PRKG1: variants seen among roughly 807,000 people sequenced by gnomAD.
PRKG1 encodes cGMP-dependent protein kinase 1.
PRKG1 carries 35 observed loss-of-function variants against 88.1 expected under a neutral mutation model. The ratio of observed to expected loss-of-function variants is 0.40; its 90% CI spans 0.30 to 0.53. The LOEUF (loss-of-function observed/expected upper bound fraction) is 0.53. Among genes scored for constraint, PRKG1 ranks in the 20% least tolerant of loss-of-function variants. The pLI, the probability that PRKG1 is intolerant of heterozygous loss-of-function variation, is 0.59. For missense variants in PRKG1, 540 were observed against 839.8 expected, an observed-to-expected ratio of 0.64 and a Z score of 4.41; for synonymous variants, 303 against 292.5, an observed-to-expected ratio of 1.04 and a Z score of -0.37.
chr10:51,567,268 T>G lies in PRKG1; in HGVS notation c.592+99432T>G, dbSNP rs189933715. 1.8e-3 allele frequency among the ~76,000 whole-genome samples: 273 copies of G among 152,106 alleles called. 2 individuals are homozygous for G. The highest frequency in any genetic ancestry group is 2.3e-3 in the East Asian group (12 of 5,156). ...GGTTGGGGTGGGAGAGATGAACCAC[T>G]TTTTCATGTTCACACCTGCGGCACC... On this transcript the variant is annotated intron_variant, in intron 3 of 17. Transcript: ENST00000373980.
chr10:51,678,441 C>T (rs1183727116), intron 3 of PRKG1, among the ~76,000 whole-genome samples: 1 of 152,146 alleles, frequency 6.6e-6, no homozygotes, highest in Non-Finnish European at 1.5e-5. Flanking sequence ...GCATACACCA[C>T]CACCCTAGAT....
rs561687192 is a variant in PRKG1, at chr10:52,106,475, A to C, written c.936-27365A>C. On this transcript the variant is annotated intron_variant, in intron 7 of 17. Transcript: ENST00000373980. ...GAGAACAGTAACTTATGTATATTAA[A>C]TCCTTCGGGAACAGCATCGCACAGC... Among the ~76,000 whole-genome samples the C allele has an allele frequency of 1.2e-3, 187 of 152,190 alleles. 1 individual carries two copies. The highest frequency in any genetic ancestry group is 4.3e-3 in the African/African-American group (178 of 41,514).
intron 2 of PRKG1, among the ~76,000 whole-genome samples, chr10:51,318,214 T>C (rs1281896540): frequency 2.6e-5 from 4 of 152,190 alleles, no homozygotes; most frequent in Admixed American, 6.6e-5. Flanking sequence ...TGTGAAAATA[T>C]GGAAATTTAT....
intron 5 of PRKG1, among the ~76,000 whole-genome samples, chr10:51,986,388 A>G (rs1387855362): frequency 2.0e-5 from 3 of 152,226 alleles, no homozygotes; most frequent in Non-Finnish European, 2.9e-5. Flanking sequence ...TAGAACACAT[A>G]AGATAGTCAC....
intron 5 of PRKG1, among the ~76,000 whole-genome samples, chr10:52,002,934 C>T (rs975013355): frequency 2.0e-5 from 3 of 152,148 alleles, no homozygotes; most frequent in Non-Finnish European, 4.4e-5. Context: ...TTTGAGTTAG[C>T]GAAAGTTAGT....
intron 1 of PRKG1, among the ~76,000 whole-genome samples, chr10:51,083,197 C>T (rs1844156831): frequency 6.6e-6 from 1 of 152,174 alleles, no homozygotes; most frequent in African/African-American, 2.4e-5. Flanking sequence ...TGTTAAGGAC[C>T]TGGGGCACAC....
chr10:52,282,391 G>T (rs1331643505), intron 14 of PRKG1, 75 bp downstream of exon 14: 1 of 1,359,820 alleles, frequency 7.4e-7, no homozygotes, highest in Non-Finnish European at 9.9e-7. Context: ...TTGTCACTTG[G>T]ATTAGACCAT....
At chr10:51,036,949 T>A (rs1045218329) in intron 1 of PRKG1, among the ~76,000 whole-genome samples, 1 of 152,214 alleles carries the variant, frequency 6.6e-6, no homozygotes, top group Non-Finnish European at 1.5e-5. Flanking sequence ...GGATGAATTC[T>A]CTGGTTAAAT....
chr10:51,957,985 C>G (rs558744363), intron 5 of PRKG1, among the ~76,000 whole-genome samples: 1 of 152,046 alleles, frequency 6.6e-6, no homozygotes, highest in East Asian at 1.9e-4. Context: ...ATGTAAAGGG[C>G]AAAATTCTCA....
intron 2 of PRKG1, among the ~76,000 whole-genome samples, chr10:51,190,854 T>C (rs1837613864): frequency 6.6e-6 from 1 of 151,824 alleles, no homozygotes; most frequent in Admixed American, 6.6e-5. Context: ...CATATTGTCA[T>C]TGTGTAAATA....
At chr10:51,995,144 A>T (rs1321647309) in intron 5 of PRKG1, among the ~76,000 whole-genome samples, 1 of 151,880 alleles carries the variant, frequency 6.6e-6, no homozygotes, top group Admixed American at 6.5e-5. Flanking sequence ...TTTTGGCACC[A>T]ATTTGATACT....
intron 7 of PRKG1, among the ~76,000 whole-genome samples, chr10:52,102,554 CAATCACGAA>C (rs1319873522): frequency 1.5e-5 from 2 of 134,174 alleles, no homozygotes; most frequent in Admixed American, 1.6e-4. Context: ...GTGACTGAGC[CAATCACGAA>C]AATCATGAAA....
rs374834674 is a variant in PRKG1, at chr10:52,161,913, G to A, written c.1026G>A (p.Gly342=). ...DRDSFKHLIG[G]LDDVSNKAYE... The stretch of plus-strand genomic sequence containing the variant: ...GCTCTTTTAAACATTTGATTGGAGG[G>A]CTGGATGATGTTTCTAATAAAGCAT... The change falls in exon 9 of 18, where the codon GGG becomes GGA. Residue 342 remains glycine, a synonymous_variant. Transcript: ENST00000373980. The A allele has an allele frequency of 1.4e-4, 224 of 1,612,528 alleles. No homozygotes were observed. The highest frequency in any genetic ancestry group is 4.3e-4 in the Admixed American group (26 of 59,942).
intron 1 of PRKG1, among the ~76,000 whole-genome samples, chr10:51,075,813 C>T (rs1025185045): frequency 4.0e-4 from 61 of 152,284 alleles, no homozygotes; most frequent in African/African-American, 1.4e-3. Flanking sequence ...TTTAATGAAA[C>T]TTGTTATACA....
Position 51,676,461 on chromosome 10 carries a change from C to CAAA in PRKG1, c.593-128109_593-128107dup, listed in dbSNP as rs375581966. Among the ~76,000 whole-genome samples the CAAA allele has an allele frequency of 5.9e-3, 550 of 92,710 alleles. 1 individual carries two copies. Among genetic ancestry groups the CAAA allele is most frequent in the Middle Eastern group, 0.024 (4 of 164 alleles). 60.8% of individuals were successfully genotyped at this position (92,710 alleles called of 152,430 possible). ...AGAGTTTCAAAAAGTCACCAATGCA[C>CAAA]AAAAAAAAAAAAAAAAATAGTATTT... On this transcript the variant is annotated intron_variant, in intron 3 of 17. Coordinates refer to ENST00000373980, the MANE Select transcript of PRKG1 (RefSeq NM_006258.4).
At chr10:51,945,062 G>A (rs1293191383) in intron 5 of PRKG1, among the ~76,000 whole-genome samples, 1,619 of 151,068 alleles carry the variant, frequency 0.011, 18 homozygotes, top group Non-Finnish European at 0.013. Context: ...GGGTGTTAAA[G>A]TCTCCCATTA....
chr10:51,616,720 G>A (rs780712374), intron 3 of PRKG1, among the ~76,000 whole-genome samples: 2 of 152,124 alleles, frequency 1.3e-5, no homozygotes, highest in African/African-American at 2.4e-5. Flanking sequence ...GAGGTAATCC[G>A]TAAACCCTTG....
chr10:51,921,849 T>G (rs906952933), intron 5 of PRKG1, among the ~76,000 whole-genome samples: 1 of 152,042 alleles, frequency 6.6e-6, no homozygotes, highest in Admixed American at 6.6e-5. Flanking sequence ...TCTATATTTC[T>G]GAGAGATGTC....
chr10:51,612,722 C>G (rs1416483185), intron 3 of PRKG1, among the ~76,000 whole-genome samples: 3 of 151,892 alleles, frequency 2.0e-5, no homozygotes, highest in Non-Finnish European at 4.4e-5. Flanking sequence ...GAGAGTCTTT[C>G]AGATTTTCCC....
Sources: allele counts gnomAD v4.1 joint callset (sites outside exome capture counted in the v4.1 genomes callset), GRCh38; gene constraint gnomAD v4.1.1; transcripts MANE v1.5; gene names NCBI Gene and HGNC (gene_info 2026-07-23, HGNC 2026-07-21).